Variants in PECR observed in about 807,000 individuals in gnomAD.
The protein encoded by PECR is peroxisomal trans-2-enoyl-CoA reductase, also known as 2,4-dienoyl-CoA reductase-related protein.
PECR carries 30 observed loss-of-function variants against 35.3 expected under a neutral mutation model. The observed-to-expected ratio is 0.85, with a 90% CI of 0.64 to 1.15. PECR has a LOEUF of 1.15. PECR is among the 50% of genes most tolerant of loss of function. PECR has a pLI of 0.00. For synonymous variants in PECR, 148 were observed against 138.9 expected, an observed-to-expected ratio of 1.07 and a Z score of -0.46; for missense variants, 392 against 370.8, an observed-to-expected ratio of 1.06 and a Z score of -0.47.
chr2:216,033,904 A>C (rs1177604081), downstream of PECR: 1 of 152,222 alleles, frequency 6.6e-6, no homozygotes, highest in Admixed American at 6.5e-5. Flanking sequence ...AAAATAGCCT[A>C]GAGATTTGGC....
intron 1 of PECR, among the ~76,000 whole-genome samples, chr2:216,079,710 G>A (rs1337932848): frequency 5.4e-5 from 8 of 148,802 alleles, no homozygotes; most frequent in South Asian, 2.1e-4. Context: ...GGCCGGGCAC[G>A]GTGGCTTACG....
Position 216,056,585 on chromosome 2 carries a change from G to A in PECR, c.506+2310C>T, listed in dbSNP as rs115298086. On this transcript the variant is annotated intron_variant, in intron 4 of 7. Coordinates refer to ENST00000265322, the MANE Select transcript of PECR (RefSeq NM_018441.6). ...AAAATACAAAAAACTACTGGACGTG[G>A]TGGTGGGTGCCTACAACCCCAGCTA... is the stretch of plus-strand genomic sequence containing the variant. Among the ~76,000 whole-genome samples the A allele has an allele frequency of 7.1e-3, 1,084 of 151,944 alleles. 20 individuals are homozygous for A. The highest frequency in any genetic ancestry group is 0.025 in the African/African-American group (1,055 of 41,378).
At chr2:216,077,944 T>C (rs1037302731) in intron 1 of PECR, among the ~76,000 whole-genome samples, 1 of 151,916 alleles carries the variant, frequency 6.6e-6, no homozygotes, top group African/African-American at 2.4e-5. Context: ...AAATATTTTT[T>C]AATGAACATC....
chr2:216,079,131 C>T (rs1157797944), intron 1 of PECR, among the ~76,000 whole-genome samples: 1 of 147,350 alleles, frequency 6.8e-6, no homozygotes, highest in Non-Finnish European at 1.5e-5. Context: ...ACATCATGGC[C>T]TTACTAGGAA....
rs1290998109 is a variant in PECR at position 216,066,377 on chromosome 2, T to C, written c.258+8A>G. 2 of 1,608,720 alleles carry C rather than the reference T, an allele frequency of 1.2e-6. No homozygotes were observed. Among genetic ancestry groups the C allele is most frequent in the Non-Finnish European group, 1.7e-6 (2 of 1,175,178 alleles). On this transcript the variant is annotated splice_region_variant and intron_variant, in intron 2 of 7. Transcript: ENST00000265322. ...AATGAATAAATGATACAGATATATC[T>C]CCATTACCTCCTCCTCATTCCGGAT...
chr2:216,043,397 A>G (rs181760344), intron 7 of PECR, among the ~76,000 whole-genome samples: 40 of 152,254 alleles, frequency 2.6e-4, no homozygotes, highest in Non-Finnish European at 2.9e-5. Flanking sequence ...GGCATGAGCC[A>G]CCATACCCGG....
At chr2:216,029,646 A>T (rs932791592) in intron 7 of PECR, among the ~76,000 whole-genome samples, 8 of 152,242 alleles carry the variant, frequency 5.3e-5, no homozygotes, top group Admixed American at 5.2e-4. Flanking sequence ...CAAGGATGCT[A>T]AGTCATGCTC....
At chr2:216,030,950 TCTCTCTCACACA>T (rs1559203605) in intron 7 of PECR, among the ~76,000 whole-genome samples, 3 of 96,230 alleles carry the variant, frequency 3.1e-5, no homozygotes, top group African/African-American at 1.3e-4. Flanking sequence ...TCTCTCTCTC[TCTCTCTCACACA>T]CACACACACA....
intron 3 of PECR, 192 bp downstream of exon 3, chr2:216,065,120 G>C (rs1199105950): frequency 3.2e-6 from 2 of 617,102 alleles, no homozygotes; most frequent in South Asian, 3.7e-5. Context: ...AAAATGATGA[G>C]ATTGAAGGAT....
In PECR at chr2:216,062,297, C is replaced by T. The variant is rs142055766; in HGVS notation, c.424+3015G>A. Among the ~76,000 whole-genome samples the T allele has an allele frequency of 2.8e-3, 421 of 152,194 alleles. 6 individuals are homozygous for T. In the East Asian group the frequency reaches 0.055, roughly 20 times the overall value. ...CTGACCTCAAGTGATCCGCCCACCT[C>T]GGCCTTCCAAAGTGCTGAGATTACA... On this transcript the variant is annotated intron_variant, in intron 3 of 7. Transcript: ENST00000265322.
downstream of PECR, chr2:216,034,114 T>TG (rs1406691729): frequency 6.6e-6 from 1 of 152,202 alleles, no homozygotes; most frequent in Non-Finnish European, 1.5e-5. Context: ...AAGCAGGTCT[T>TG]GCATCCTAAG....
chr2:216,043,115 A>AT (rs200393350), intron 7 of PECR, among the ~76,000 whole-genome samples: 29 of 134,476 alleles, frequency 2.2e-4, no homozygotes, highest in African/African-American at 4.5e-4. Context: ...ATATATATAT[A>AT]TTTTTTTTTG....
At chr2:216,037,487 A>T (rs1012245088), downstream of PECR, among the ~76,000 whole-genome samples, 4 of 152,178 alleles carry the variant, frequency 2.6e-5, no homozygotes, top group African/African-American at 9.7e-5. Context: ...CATGGTTTGT[A>T]ATTCTCAGTT....
chr2:216,075,930 T>C (rs953467059), intron 1 of PECR, among the ~76,000 whole-genome samples: 11 of 152,308 alleles, frequency 7.2e-5, no homozygotes, highest in African/African-American at 2.6e-4. Flanking sequence ...AGAAAGTGAA[T>C]GATTAACTTG....
chr2:216,070,653 G>A (rs1382503094), intron 1 of PECR, among the ~76,000 whole-genome samples: 3 of 152,168 alleles, frequency 2.0e-5, no homozygotes, highest in Non-Finnish European at 4.4e-5. Flanking sequence ...GGGGCCAGGG[G>A]AAGAAGAAGA....
rs570637509 is a variant in PECR at position 216,046,352 on chromosome 2, C to T, written c.715-2337G>A. Among the ~76,000 whole-genome samples the T allele has an allele frequency of 1.3e-3, 176 of 134,830 alleles. 2 individuals are homozygous for T. In the Middle Eastern group the frequency reaches 0.025, roughly 19 times the overall value. The allele number at this position is 134,830 out of a possible 152,430, so 88.5% of individuals were successfully genotyped here. On this transcript the variant is annotated intron_variant, in intron 6 of 7. Coordinates refer to ENST00000265322, the MANE Select transcript of PECR (RefSeq NM_018441.6). ...TTTTGAGAAGGCGTCTCACTGTCACCCAGGCTGGAGTGCAGTGGCGCAATC... is the reference window on the plus strand; with the variant it reads ...TTTTGAGAAGGCGTCTCACTGTCACTCAGGCTGGAGTGCAGTGGCGCAATC...
chr2:216,030,728 TC>T lies in PECR; in HGVS notation c.*440+8462del, dbSNP rs201874951. On this transcript the variant is annotated intron_variant and NMD_transcript_variant, in intron 7 of 7. Transcript: ENST00000442122. ...TGGCTAATTTTTGTATTTCTTTCTTTCTTTTTTTTTTTTTAGTAGAGAGAAG... is the reference window on the plus strand; with the variant it reads ...TGGCTAATTTTTGTATTTCTTTCTTTTTTTTTTTTTTTTAGTAGAGAGAAG... 4.2e-4 allele frequency among the ~76,000 whole-genome samples: 62 copies of T among 148,732 alleles called. 2 individuals carry two copies. Among genetic ancestry groups the T allele is most frequent in the African/African-American group, 9.4e-4 (38 of 40,582 alleles).
intron 4 of PECR, among the ~76,000 whole-genome samples, chr2:216,054,987 C>T (rs1232298969): frequency 6.6e-6 from 1 of 151,952 alleles, no homozygotes; most frequent in African/African-American, 2.4e-5. Context: ...TGGCGTGCAC[C>T]TGTAATCCCA....
chr2:216,075,819 G>C (rs896054618), intron 1 of PECR, among the ~76,000 whole-genome samples: 2 of 152,162 alleles, frequency 1.3e-5, no homozygotes, highest in Non-Finnish European at 2.9e-5. Flanking sequence ...AGTTAGACTA[G>C]ACTAGAGCAA....
Sources: gnomAD v4.1 joint callset for allele counts (sites outside exome capture counted in the v4.1 genomes callset) on GRCh38, gnomAD v4.1.1 for gene constraint, MANE v1.5 for transcripts, NCBI Gene and HGNC (gene_info 2026-07-23, HGNC 2026-07-21) for gene names.